The following TMEM245 variants were observed in gnomAD, a reference collection of about 807,000 sequenced individuals.
The protein encoded by TMEM245 is protein CG-2.
A neutral mutation model predicts 101.2 loss-of-function variants in TMEM245; 69 were observed. The observed-to-expected ratio is 0.68, with a 90% CI of 0.56 to 0.83. TMEM245 has a LOEUF of 0.83. Among genes scored for constraint, TMEM245 ranks in the 40% least tolerant of loss-of-function variants. TMEM245 has a pLI of 0.00. For missense variants in TMEM245, 1,075 were observed against 1,092.8 expected (o/e 0.98, Z 0.23); for synonymous variants, 537 against 449.8 (o/e 1.19, Z -2.45).
chr9:109,091,075 G>A lies in TMEM245; in HGVS notation c.997C>T (p.Pro333Ser). The change falls in exon 5 of 18, where the codon CCT becomes TCT. Residue 333 changes from proline (P) to serine (S), a missense_variant. Pro to Ser is a moderately conservative substitution (Grantham distance 74). Around this residue, in one of 2 missense-constraint regions of TMEM245, gnomAD observed 808 missense variants for 741.5 expected, o/e 1.09. Transcript: ENST00000374586. ...PSSPSPTSPS[P>S]TLGRRRPEIG... ...TCAGGCCTTCGTCTGCCCAGAGTAG[G>A]TGAAGGGGAAGTGGGTGAAGGGGAG... 1 of 1,614,136 alleles carries A rather than the reference G, an allele frequency of 6.2e-7. No individual in the cohort carries two copies. The highest frequency in any genetic ancestry group is 8.5e-7 in the Non-Finnish European group (1 of 1,180,024).
In TMEM245 at chr9:109,034,959, T is replaced by A. The variant is rs190447183; in HGVS notation, c.2399+1247A>T. 1.4e-4 allele frequency among the ~76,000 whole-genome samples: 21 copies of A among 151,786 alleles called. 1 individual carries two copies. The highest frequency in any genetic ancestry group is 1.0e-3 in the Admixed American group (16 of 15,242). On this transcript the variant is annotated intron_variant, in intron 16 of 17. Coordinates refer to ENST00000374586, the MANE Select transcript of TMEM245 (RefSeq NM_032012.4). ...ATCACTTGAGGTCAGGAGTTCAAGA[T>A]CAGCCTGATCAACATGGTGAAATCC...
intron 17 of TMEM245, among the ~76,000 whole-genome samples, chr9:109,026,346 C>T (rs1391974398): frequency 6.6e-6 from 1 of 151,968 alleles, no homozygotes; most frequent in Non-Finnish European, 1.5e-5. Context: ...GCAAGGAGGC[C>T]ATAACCTAAT....
intron 2 of TMEM245, among the ~76,000 whole-genome samples, chr9:109,107,775 G>T (rs956068895): frequency 2.0e-5 from 3 of 152,174 alleles, no homozygotes; most frequent in Non-Finnish European, 4.4e-5. Flanking sequence ...AAACTTGGGA[G>T]ATGAAAGTCT....
chr9:109,033,391 G>A lies in TMEM245; in HGVS notation c.2510C>T (p.Ser837Phe). 1 of 1,614,150 alleles carries A rather than the reference G, an allele frequency of 6.2e-7. No individual in the cohort carries two copies. Among genetic ancestry groups the A allele is most frequent in the South Asian group, 1.1e-5 (1 of 91,076 alleles). The change falls in exon 17 of 18, where the codon TCC becomes TTC. Residue 837 changes from serine (S) to phenylalanine (F), a missense_variant. Coordinates refer to ENST00000374586, the MANE Select transcript of TMEM245 (RefSeq NM_032012.4). The part of the protein sequence containing the change: ...PILLCILVVA[S>F]NIYSAMLVSP... ...CACTAGCATGGCACTATAGATATTG[G>A]AAGCAACCACAAGTATGCAGAGAAG...
chr9:109,065,041 C>T (rs1410993728), intron 9 of TMEM245, among the ~76,000 whole-genome samples: 1 of 152,218 alleles, frequency 6.6e-6, no homozygotes, highest in Non-Finnish European at 1.5e-5. Context: ...CTGCCTCAGC[C>T]TCCCAAAGTT....
intron 5 of TMEM245, among the ~76,000 whole-genome samples, chr9:109,090,564 TA>T (rs1044875805): frequency 6.8e-6 from 1 of 146,990 alleles, no homozygotes; most frequent in Non-Finnish European, 1.5e-5. Flanking sequence ...CTACTAAAAA[TA>T]AAAAAAAAAT....
intron 16 of TMEM245, among the ~76,000 whole-genome samples, chr9:109,033,883 T>C (rs1199450113): frequency 1.3e-5 from 2 of 152,232 alleles, no homozygotes; most frequent in Non-Finnish European, 2.9e-5. Flanking sequence ...GAGCACAATT[T>C]AGCATGTAAT....
intron 9 of TMEM245, among the ~76,000 whole-genome samples, chr9:109,065,693 C>T (rs1012681092): frequency 1.6e-4 from 24 of 152,084 alleles, no homozygotes; most frequent in African/African-American, 5.6e-4. Context: ...AATATGTTCA[C>T]GTATTATCTA....
At chr9:109,107,791 A>T (rs955257465) in intron 2 of TMEM245, among the ~76,000 whole-genome samples, 4 of 152,206 alleles carry the variant, frequency 2.6e-5, no homozygotes, top group African/African-American at 9.6e-5. Context: ...AGTCTCAACC[A>T]TAAGTACCAC....
intron 14 of TMEM245, 59 bp downstream of exon 14, chr9:109,050,224 G>A: frequency 2.5e-6 from 4 of 1,594,354 alleles, no homozygotes; most frequent in Non-Finnish European, 3.4e-6. Context: ...ACAAAAAACA[G>A]GCTTATCATG....
intron 3 of TMEM245, among the ~76,000 whole-genome samples, chr9:109,095,171 T>C (rs1171994400): frequency 1.3e-5 from 2 of 152,158 alleles, no homozygotes; most frequent in Admixed American, 1.3e-4. Context: ...TAAGTTAGAT[T>C]TCTGGATTAG....
At chr9:109,117,353 G>A (rs962375343) in intron 1 of TMEM245, among the ~76,000 whole-genome samples, 2 of 151,416 alleles carry the variant, frequency 1.3e-5, no homozygotes. Context: ...CCTAACCTCA[G>A]GTGATCCACC....
chr9:109,071,371 G>C (rs905464077), intron 9 of TMEM245, among the ~76,000 whole-genome samples: 4 of 152,086 alleles, frequency 2.6e-5, no homozygotes, highest in Non-Finnish European at 5.9e-5. Context: ...CACTTCGGGA[G>C]GCTGAGGAGG....
chr9:109,081,121 CTGT>C (rs1829654834), intron 7 of TMEM245, among the ~76,000 whole-genome samples, 178 bp from the exon 8 acceptor site: 1 of 152,076 alleles, frequency 6.6e-6, no homozygotes, highest in Admixed American at 6.6e-5. Flanking sequence ...CTCATTACTG[CTGT>C]TGTTATATAG....
intron 10 of TMEM245, among the ~76,000 whole-genome samples, chr9:109,062,981 A>G (rs936821491): frequency 3.9e-5 from 6 of 152,036 alleles, no homozygotes; most frequent in Admixed American, 2.0e-4. Context: ...ACAAAAAGAA[A>G]AAAAAAACTA....
At chr9:109,039,162 A>C (rs1024081442) in intron 14 of TMEM245, 2 of 152,204 alleles carry the variant, frequency 1.3e-5, no homozygotes, top group African/African-American at 2.4e-5. Flanking sequence ...CTAGTGATTT[A>C]GTCATTTAGT....
intron 12 of TMEM245, among the ~76,000 whole-genome samples, chr9:109,055,345 G>A (rs1268206907): frequency 6.8e-6 from 1 of 147,658 alleles, no homozygotes; most frequent in Non-Finnish European, 1.5e-5. Context: ...GATACTGGGT[G>A]GAACCTGCTA....
intron 17 of TMEM245, among the ~76,000 whole-genome samples, chr9:109,024,093 A>T (rs1046643105): frequency 6.6e-6 from 1 of 152,154 alleles, no homozygotes; most frequent in Non-Finnish European, 1.5e-5. Context: ...TTTATGATTT[A>T]ACAACTCAAG....
intron 9 of TMEM245, among the ~76,000 whole-genome samples, chr9:109,065,202 A>G (rs1487614899): frequency 1.3e-5 from 2 of 152,290 alleles, no homozygotes; most frequent in African/African-American, 4.8e-5. Flanking sequence ...ACCAAAGAAA[A>G]TGGTTCTGGG....
Sources: allele counts gnomAD v4.1 joint callset (sites outside exome capture counted in the v4.1 genomes callset), GRCh38; gene constraint gnomAD v4.1.1; regional missense constraint gnomAD v4.1.1; transcripts MANE v1.5; gene names NCBI Gene and HGNC (gene_info 2026-07-23, HGNC 2026-07-21).